Variants in SRBD1 observed in about 807,000 individuals in gnomAD.
SRBD1 encodes S1 RNA-binding domain-containing protein 1.
SRBD1 carries 88 observed loss-of-function variants against 115.3 expected under a neutral mutation model. The ratio of observed to expected loss-of-function variants is 0.76; its 90% CI spans 0.64 to 0.91. The LOEUF (loss-of-function observed/expected upper bound fraction) is 0.91. Ranked by LOEUF, SRBD1 falls within the 40% of genes least tolerant of loss-of-function variation. The pLI is 0.00. For synonymous variants in SRBD1, 509 were observed against 407.7 expected (o/e 1.25, Z -2.99); for missense variants, 1,385 against 1,177.4 (o/e 1.18, Z -2.58).
intron 14 of SRBD1, among the ~76,000 whole-genome samples, chr2:45,542,264 G>C (rs1030397478): frequency 1.3e-5 from 2 of 152,246 alleles, no homozygotes; most frequent in African/African-American, 4.8e-5. Flanking sequence ...CCTAGGCTCG[G>C]CCACAACTTT....
At chr2:45,469,731 C>T (rs1381729999) in intron 16 of SRBD1, among the ~76,000 whole-genome samples, 1 of 152,168 alleles carries the variant, frequency 6.6e-6, no homozygotes, top group Non-Finnish European at 1.5e-5. Context: ...TGGGTTCATA[C>T]ACCTAGTCAA....
chr2:45,607,952 G>A (rs1231817475), intron 1 of SRBD1, among the ~76,000 whole-genome samples: 1 of 152,150 alleles, frequency 6.6e-6, no homozygotes, highest in Non-Finnish European at 1.5e-5. Flanking sequence ...ACCAGTCCAA[G>A]AGTAAAAACT....
At chr2:45,497,392 T>A (rs1052116911) in intron 14 of SRBD1, among the ~76,000 whole-genome samples, 3 of 152,228 alleles carry the variant, frequency 2.0e-5, no homozygotes, top group Non-Finnish European at 4.4e-5. Context: ...GTAGACTGAA[T>A]GTACATAAAC....
At chr2:45,439,629 C>T (rs1041137428) in intron 16 of SRBD1, among the ~76,000 whole-genome samples, 1 of 151,698 alleles carries the variant, frequency 6.6e-6, no homozygotes, top group South Asian at 2.1e-4. Flanking sequence ...GATCAAAAAG[C>T]AGATGGGACA....
chr2:45,390,055 T>G (rs1666955804), intron 20 of SRBD1, among the ~76,000 whole-genome samples: 2 of 152,224 alleles, frequency 1.3e-5, no homozygotes, highest in Admixed American at 1.3e-4. Context: ...TACATCAACT[T>G]TTGGCCAAAT....
chr2:45,407,646 G>C (rs1667476446), intron 19 of SRBD1, among the ~76,000 whole-genome samples: 1 of 151,980 alleles, frequency 6.6e-6, no homozygotes, highest in African/African-American at 2.4e-5. Flanking sequence ...TTAAAGTAAA[G>C]AACACAAAGA....
chr2:45,443,833 C>G (rs542447840), intron 16 of SRBD1, among the ~76,000 whole-genome samples: 1 of 140,616 alleles, frequency 7.1e-6, no homozygotes, highest in South Asian at 2.3e-4. Flanking sequence ...GAGGTGATAA[C>G]TACCCACTAG....
chr2:45,450,531 T>C (rs1384741030), intron 16 of SRBD1, among the ~76,000 whole-genome samples: 1 of 152,172 alleles, frequency 6.6e-6, no homozygotes, highest in African/African-American at 2.4e-5. Context: ...GTAACATTAG[T>C]TATCAATTAA....
At chr2:45,479,370 T>TA (rs1669894375) in intron 15 of SRBD1, among the ~76,000 whole-genome samples, 1 of 152,230 alleles carries the variant, frequency 6.6e-6, no homozygotes, top group Non-Finnish European at 1.5e-5. Flanking sequence ...TTGGGTCAGT[T>TA]AGCCAAGTTG....
intron 14 of SRBD1, among the ~76,000 whole-genome samples, chr2:45,498,619 C>T (rs571137578): frequency 3.9e-5 from 6 of 152,214 alleles, no homozygotes; most frequent in Admixed American, 6.5e-5. Flanking sequence ...CACTGTACTA[C>T]GGAATACTAG....
rs1446995529 is a variant in SRBD1 at position 45,423,248 on chromosome 2, T to C, written c.2050-3354A>G. ...GGGCTAAAATGAAAACAATGGAAAA[T>C]AACAAATATTGATGTGAATGTGAAG... On this transcript the variant is annotated intron_variant, in intron 16 of 20. Coordinates refer to ENST00000263736, the MANE Select transcript of SRBD1 (RefSeq NM_018079.5). Among the ~76,000 whole-genome samples, 4 of 151,968 alleles carry C rather than the reference T, an allele frequency of 2.6e-5. No homozygotes were observed. In the East Asian group the frequency reaches 7.7e-4, roughly 29 times the overall value.
At chr2:45,526,980 G>A (rs1443308933) in intron 14 of SRBD1, among the ~76,000 whole-genome samples, 1 of 151,896 alleles carries the variant, frequency 6.6e-6, no homozygotes, top group Non-Finnish European at 1.5e-5. Context: ...CTTAAGCTGA[G>A]TGCGATCTGG....
intron 14 of SRBD1, among the ~76,000 whole-genome samples, chr2:45,493,237 C>T (rs1349252958): frequency 2.0e-5 from 3 of 152,092 alleles, no homozygotes; most frequent in Non-Finnish European, 2.9e-5. Flanking sequence ...GGTTTCTCAA[C>T]GAGTAATACA....
At chr2:45,477,160 A>G in intron 15 of SRBD1, 85 bp from the exon 16 acceptor site, 1 of 1,100,788 alleles carries the variant, frequency 9.1e-7, no homozygotes, top group Non-Finnish European at 1.4e-6. Flanking sequence ...CTCATAATGT[A>G]AGTACTTAAT....
chr2:45,476,373 A>T (rs1413954268), intron 16 of SRBD1, among the ~76,000 whole-genome samples: 1 of 152,182 alleles, frequency 6.6e-6, no homozygotes, highest in African/African-American at 2.4e-5. Context: ...AAAATTATAC[A>T]GAAGGAAATA....
intron 16 of SRBD1, among the ~76,000 whole-genome samples, chr2:45,459,435 T>G (rs1259556717): frequency 6.6e-6 from 1 of 152,048 alleles, no homozygotes; most frequent in African/African-American, 2.4e-5. Context: ...TGTCCTTCCT[T>G]TCAGCAGAAA....
At chr2:45,453,313 A>C (rs965040486) in intron 16 of SRBD1, among the ~76,000 whole-genome samples, 5 of 151,218 alleles carry the variant, frequency 3.3e-5, no homozygotes, top group Non-Finnish European at 7.4e-5. Context: ...GGAAAGAAAG[A>C]CTCCACTAGA....
intron 16 of SRBD1, among the ~76,000 whole-genome samples, chr2:45,451,345 A>C (rs1183519827): frequency 6.6e-6 from 1 of 152,090 alleles, no homozygotes; most frequent in Non-Finnish European, 1.5e-5. Context: ...TGAACATATG[A>C]AAAATATTAT....
At chr2:45,472,103 A>T (rs922994171) in intron 16 of SRBD1, among the ~76,000 whole-genome samples, 2 of 152,108 alleles carry the variant, frequency 1.3e-5, no homozygotes, top group South Asian at 4.1e-4. Flanking sequence ...GAATGAACAA[A>T]ATATCTCACA....
Sources: gnomAD v4.1 joint callset for allele counts (sites outside exome capture counted in the v4.1 genomes callset) on GRCh38, gnomAD v4.1.1 for gene constraint, MANE v1.5 for transcripts, NCBI Gene and HGNC (gene_info 2026-07-23, HGNC 2026-07-21) for gene names.